SNTB1: variants seen among roughly 807,000 people sequenced by gnomAD.
SNTB1 encodes the protein syntrophin beta 1, also known as beta-1-syntrophin.
A neutral mutation model predicts 48.9 loss-of-function variants in SNTB1; 36 were observed. That is an observed-to-expected ratio of 0.74 (90% CI 0.56 to 0.97). The LOEUF (loss-of-function observed/expected upper bound fraction) is 0.97. Ranked by LOEUF, SNTB1 falls within the 50% of genes least tolerant of loss-of-function variation. SNTB1 has a pLI of 0.00. For synonymous variants in SNTB1, 299 were observed against 294.6 expected, an observed-to-expected ratio of 1.01 and a Z score of -0.15; for missense variants, 786 against 703.4, an observed-to-expected ratio of 1.12 and a Z score of -1.33.
intron 3 of SNTB1, among the ~76,000 whole-genome samples, chr8:120,584,474 A>G (rs1415700266): frequency 1.4e-5 from 2 of 147,078 alleles, no homozygotes; most frequent in Non-Finnish European, 3.0e-5. Context: ...GTAGTAATTT[A>G]GAAGGAGCAG....
intron 3 of SNTB1, among the ~76,000 whole-genome samples, chr8:120,579,691 A>AAAAC (rs145594222): frequency 4.9e-4 from 74 of 151,952 alleles, no homozygotes; most frequent in African/African-American, 1.1e-3. Context: ...AAAAGAAAAG[A>AAAAC]AAACAAACAA....
intron 2 of SNTB1, among the ~76,000 whole-genome samples, chr8:120,678,960 A>T (rs890953875): frequency 1.3e-5 from 2 of 152,060 alleles, no homozygotes; most frequent in African/African-American, 4.8e-5. Context: ...TGGGGTACTG[A>T]CCTACCTCCA....
rs764891872 is a variant in SNTB1 at position 120,811,552 on chromosome 8, G to A, written c.292C>T (p.Leu98=). 2 of 1,599,350 alleles carry A rather than the reference G, an allele frequency of 1.3e-6. No individual in the cohort carries two copies. Among genetic ancestry groups the A allele is most frequent in the African/African-American group, 2.7e-5 (2 of 74,470 alleles). Residue 98 remains leucine (L), a synonymous_variant, in exon 1 of 7, where the codon CTG becomes TTG. Transcript: ENST00000517992. ...ATGGACTCGGGCACCTGCTCGGGCA[G>A]GTCGGTGAAAGCGGTGCGGACCCCG... is the stretch of plus-strand genomic sequence containing the variant. ...PAGVRTAFTD[L]PEQVPESISN... is the part of the protein sequence containing the mutation.
intron 1 of SNTB1, among the ~76,000 whole-genome samples, chr8:120,760,588 T>C (rs1030671165): frequency 6.6e-6 from 1 of 152,142 alleles, no homozygotes; most frequent in African/African-American, 2.4e-5. Context: ...TGCTGAAGCT[T>C]AACCAGGTTT....
intron 2 of SNTB1, among the ~76,000 whole-genome samples, chr8:120,640,288 T>C (rs1817167755): frequency 6.6e-6 from 1 of 152,228 alleles, no homozygotes; most frequent in African/African-American, 2.4e-5. Flanking sequence ...GCTGAGACAA[T>C]GGGGTTTTCT....
Position 120,743,273 on chromosome 8 carries a change from G to A in SNTB1, c.572-49365C>T, listed in dbSNP as rs145660212. Among the ~76,000 whole-genome samples, 350 of 152,336 alleles carry A rather than the reference G, an allele frequency of 2.3e-3. 1 individual carries two copies. Among genetic ancestry groups the A allele is most frequent in the African/African-American group, 8.0e-3 (333 of 41,576 alleles). ...CACAGATCTCATAGACTGGCTGACT[G>A]TGTAATTGGATGACTGTGTTTTATT... On this transcript the variant is annotated intron_variant, in intron 1 of 6. Transcript: ENST00000517992.
At chr8:120,697,382 C>T (rs1028131065) in intron 1 of SNTB1, among the ~76,000 whole-genome samples, 4 of 152,148 alleles carry the variant, frequency 2.6e-5, no homozygotes, top group African/African-American at 4.8e-5. Context: ...TTCACTCATT[C>T]GGTCAAAACT....
intron 1 of SNTB1, among the ~76,000 whole-genome samples, chr8:120,804,806 GC>G (rs1275336456): frequency 6.6e-6 from 1 of 151,954 alleles, no homozygotes; most frequent in Non-Finnish European, 1.5e-5. Context: ...TGCCCTCTTA[GC>G]CACACTGAGC....
At chr8:120,795,416 C>T (rs777039322) in intron 1 of SNTB1, among the ~76,000 whole-genome samples, 3 of 152,024 alleles carry the variant, frequency 2.0e-5, no homozygotes, top group Non-Finnish European at 4.4e-5. Flanking sequence ...ACAACCTTTG[C>T]CATTGCCCAG....
At chr8:120,540,736 C>T (rs758204170) in intron 6 of SNTB1, among the ~76,000 whole-genome samples, 46 of 152,266 alleles carry the variant, frequency 3.0e-4, no homozygotes, top group Middle Eastern at 3.4e-3. Flanking sequence ...CTAGAAATAA[C>T]TCTCAGAAAG....
chr8:120,647,836 G>A (rs1469189615), intron 2 of SNTB1, among the ~76,000 whole-genome samples: 1 of 16,312 alleles, frequency 6.1e-5, no homozygotes, highest in Non-Finnish European at 1.3e-4. Context: ...CTTGCTTTAT[G>A]AATCTTGGTG....
At chr8:120,568,071 G>T (rs577606356) in intron 4 of SNTB1, among the ~76,000 whole-genome samples, 37 of 152,130 alleles carry the variant, frequency 2.4e-4, no homozygotes, top group Non-Finnish European at 4.6e-4. Context: ...TAGATAAGTG[G>T]CTAAAAAAGC....
At chr8:120,609,000 T>C (rs1029457583) in intron 3 of SNTB1, among the ~76,000 whole-genome samples, 1 of 152,080 alleles carries the variant, frequency 6.6e-6, no homozygotes, top group East Asian at 1.9e-4. Flanking sequence ...AAGATAGGAG[T>C]GCAGTAAAAT....
intron 1 of SNTB1, among the ~76,000 whole-genome samples, chr8:120,783,480 C>G (rs934612015): frequency 1.3e-5 from 2 of 152,152 alleles, no homozygotes; most frequent in Non-Finnish European, 2.9e-5. Context: ...GTCAATACCC[C>G]TAACCAAAAC....
chr8:120,694,958 C>T (rs1187017633), intron 1 of SNTB1, among the ~76,000 whole-genome samples: 1 of 152,082 alleles, frequency 6.6e-6, no homozygotes, highest in Admixed American at 6.5e-5. Flanking sequence ...GTGAAGCAGA[C>T]TGAAGTTCTG....
chr8:120,623,999 G>A (rs939730638), intron 3 of SNTB1, among the ~76,000 whole-genome samples: 1 of 152,094 alleles, frequency 6.6e-6, no homozygotes, highest in Non-Finnish European at 1.5e-5. Flanking sequence ...GTGCAGTGGT[G>A]CAATCTTGGC....
rs1373098441 is a variant in SNTB1, at chr8:120,635,311, AT to A, written c.789-2661del. Among the ~76,000 whole-genome samples, 9 of 152,350 alleles carry A rather than the reference AT, an allele frequency of 5.9e-5. No individual in the cohort carries two copies. The South Asian group carries it at 1.2e-3, about 21-fold the overall frequency. On this transcript the variant is annotated intron_variant, in intron 2 of 6. Transcript: ENST00000517992. ...AATACAAACTAGCATTCTCAAGAGC[AT>A]TAATGAGAGCTCAACGTGTTTTTCT...
At chr8:120,543,148 G>A (rs900242573) in intron 5 of SNTB1, among the ~76,000 whole-genome samples, 23 of 152,190 alleles carry the variant, frequency 1.5e-4, no homozygotes, top group African/African-American at 5.1e-4. Context: ...TGGGCAAGGG[G>A]ACTGCCACAG....
chr8:120,791,658 T>C, intron 1 of SNTB1, among the ~76,000 whole-genome samples: 1 of 151,806 alleles, frequency 6.6e-6, no homozygotes, highest in Non-Finnish European at 1.5e-5. Flanking sequence ...AAGCTATGAA[T>C]TTCTCAAAAG....
Sources: allele counts gnomAD v4.1 joint callset (sites outside exome capture counted in the v4.1 genomes callset), GRCh38; gene constraint gnomAD v4.1.1; transcripts MANE v1.5; gene names NCBI Gene and HGNC (gene_info 2026-07-23, HGNC 2026-07-21).